The following RAG1 variants were observed in gnomAD, a reference collection of about 807,000 sequenced individuals.
RAG1 encodes the protein recombination activating 1, also known as V(D)J recombination-activating protein 1.
In RAG1, 35 loss-of-function variants were observed where a neutral mutation model predicts 62.7. That is an observed-to-expected ratio of 0.56 (90% confidence interval 0.43 to 0.74). RAG1 has a LOEUF of 0.74. Among genes scored for constraint, RAG1 ranks in the 30% least tolerant of loss-of-function variants. The pLI is 0.00. For synonymous variants in RAG1, 461 were observed against 470.3 expected (o/e 0.98, Z 0.26); for missense variants, 1,169 against 1,278.6 (o/e 0.91, Z 1.31).
chr11:36,522,652 T>C (rs541096902), intron 2 of RAG1, among the ~76,000 whole-genome samples: 151 of 152,264 alleles, frequency 9.9e-4, no homozygotes, highest in African/African-American at 3.0e-3. Flanking sequence ...GACCCCAGAA[T>C]GGTAGATCTA....
chr11:36,531,723 G>GT (rs1860259575), intron 2 of RAG1, among the ~76,000 whole-genome samples: 1 of 150,640 alleles, frequency 6.6e-6, no homozygotes, highest in South Asian at 2.1e-4. Flanking sequence ...GTTACCATGT[G>GT]TTTTTTTCTG....
intron 1 of RAG1, among the ~76,000 whole-genome samples, chr11:36,572,147 A>C (rs866698352): frequency 2.0e-5 from 3 of 151,948 alleles, no homozygotes; most frequent in Non-Finnish European, 4.4e-5. Flanking sequence ...AGGGAAAAAC[A>C]TATGTTACTT....
chr11:36,566,839 A>G (rs1235104899), upstream of RAG1, among the ~76,000 whole-genome samples: 4 of 152,186 alleles, frequency 2.6e-5, no homozygotes, highest in Non-Finnish European at 2.9e-5. Context: ...TGTGTGGTTA[A>G]GTAGGTCCAA....
At chr11:36,534,995 C>A (rs1860305216) in intron 2 of RAG1, among the ~76,000 whole-genome samples, 1 of 152,140 alleles carries the variant, frequency 6.6e-6, no homozygotes. Context: ...TTTAGATCAT[C>A]ACAATTTTCT....
At position 36,573,735 on chromosome 11, in the gene RAG1, A is replaced by G. The variant is rs1564988239; in HGVS notation, c.431A>G (p.Lys144Arg). 1 of 1,614,072 alleles carries G rather than the reference A, an allele frequency of 6.2e-7. No individual in the cohort carries two copies. Among genetic ancestry groups the G allele is most frequent in the South Asian group, 1.1e-5 (1 of 91,084 alleles). The change falls in exon 2 of 2, where the codon AAG (lysine) becomes AGG (arginine). Residue 144 changes from lysine (K) to arginine (R), a missense_variant. Around this residue, in one of 2 missense-constraint regions of RAG1, gnomAD observed 369 missense variants for 335.3 expected, o/e 1.10. Coordinates refer to ENST00000299440, the MANE Select transcript of RAG1 (RefSeq NM_000448.3). ...DGKTLGLLRKKEKRATSWPDL... is the reference protein window; with the variant it reads ...DGKTLGLLRKREKRATSWPDL... ...AAAACCCTAGGCCTTTTACGAAAGA[A>G]GGAAAAGAGAGCTACTTCCTGGCCG...
At chr11:36,564,201 T>C (rs558668560), upstream of RAG1, among the ~76,000 whole-genome samples, 1 of 152,320 alleles carries the variant, frequency 6.6e-6, no homozygotes, top group Non-Finnish European at 1.5e-5. Context: ...TATTACACAT[T>C]TTCTGGGACT....
chr11:36,527,162 C>T (rs933925494), intron 2 of RAG1, among the ~76,000 whole-genome samples: 4 of 152,132 alleles, frequency 2.6e-5, no homozygotes, highest in African/African-American at 9.7e-5. Flanking sequence ...TTTGCCCATG[C>T]CTATGTCCTG....
intron 2 of RAG1, among the ~76,000 whole-genome samples, chr11:36,522,860 C>G (rs1387776650): frequency 2.0e-5 from 3 of 152,208 alleles, no homozygotes; most frequent in Admixed American, 2.0e-4. Flanking sequence ...TAAGATTTAA[C>G]TGCCCTGCTG....
chr11:36,574,818 C>T lies in RAG1; in HGVS notation c.1514C>T (p.Ala505Val). The T allele has an allele frequency of 6.2e-7, 1 of 1,614,196 alleles. No individual in the cohort carries two copies. Among genetic ancestry groups the T allele is most frequent in the Non-Finnish European group, 8.5e-7 (1 of 1,180,036 alleles). Residue 505 changes from alanine (A) to valine (V), a missense_variant, in exon 2 of 2, where the codon GCC (alanine) becomes GTC (valine). By Grantham distance (64) the Ala-to-Val change is moderately conservative. Coordinates refer to ENST00000299440, the MANE Select transcript of RAG1 (RefSeq NM_000448.3). Reference protein sequence around the residue: ...TGRQIFQPLHALRNAEKVLLP... With the variant: ...TGRQIFQPLHVLRNAEKVLLP... Reference sequence around the variant, plus strand: ...AGACAGATTTTTCAGCCTTTGCATGCCCTTCGGAATGCTGAGAAGGTACTT... The same window carrying T: ...AGACAGATTTTTCAGCCTTTGCATGTCCTTCGGAATGCTGAGAAGGTACTT...
chr11:36,548,472 G>A (rs1398005983), intron 3 of RAG1, among the ~76,000 whole-genome samples: 1 of 151,870 alleles, frequency 6.6e-6, no homozygotes, highest in Non-Finnish European at 1.5e-5. Flanking sequence ...TTCCTATACA[G>A]CAATAATAGA....
intron 1 of RAG1, among the ~76,000 whole-genome samples, chr11:36,512,934 C>T (rs1296828698): frequency 6.6e-6 from 1 of 152,194 alleles, no homozygotes; most frequent in Non-Finnish European, 1.5e-5. Context: ...CCCTAAATTT[C>T]ATGCGTTGGA....
rs761612265 is a variant in RAG1 at position 36,573,845 on chromosome 11, A to G, written c.541A>G (p.Ser181Gly). The stretch of plus-strand genomic sequence containing the variant: ...CACTGAGTTCTGCCATAACTGCTGG[A>G]GCATCATGCACAGGAAGTTTAGCAG... ...HPTEFCHNCW[S>G]IMHRKFSSAP... is the part of the protein sequence containing the mutation. Residue 181 changes from serine to glycine, a missense_variant, in exon 2 of 2, where the codon AGC becomes GGC. By Grantham distance (56) the Ser-to-Gly change is moderately conservative. Transcript: ENST00000299440. 2 of 1,614,110 alleles carry G rather than the reference A, an allele frequency of 1.2e-6. No homozygotes were observed. Among genetic ancestry groups the G allele is most frequent in the Non-Finnish European group, 8.5e-7 (1 of 1,180,018 alleles).
intron 3 of RAG1, among the ~76,000 whole-genome samples, chr11:36,545,523 G>C (rs1850379825): frequency 1.3e-5 from 2 of 152,132 alleles, no homozygotes; most frequent in South Asian, 4.1e-4. Flanking sequence ...CTCCAGAACT[G>C]TGAGAAAATA....
chr11:36,538,483 C>T (rs1183309557), downstream of RAG1, among the ~76,000 whole-genome samples: 1 of 152,152 alleles, frequency 6.6e-6, no homozygotes, highest in African/African-American at 2.4e-5. Context: ...AGAATAAGAG[C>T]AAATGGGGTA....
chr11:36,524,477 G>T (rs1000867079), intron 2 of RAG1, among the ~76,000 whole-genome samples: 3 of 150,342 alleles, frequency 2.0e-5, no homozygotes, highest in Non-Finnish European at 2.9e-5. Flanking sequence ...ATATCTCAAT[G>T]TGGTGTGTGC....
chr11:36,549,068 A>G (rs1850443697), intron 3 of RAG1, among the ~76,000 whole-genome samples: 1 of 152,268 alleles, frequency 6.6e-6, no homozygotes, highest in African/African-American at 2.4e-5. Flanking sequence ...CTGGCTAGCC[A>G]TATGCAGAAA....
At chr11:36,571,481 T>C (rs2133290608) in intron 1 of RAG1, among the ~76,000 whole-genome samples, 1 of 152,318 alleles carries the variant, frequency 6.6e-6, no homozygotes, top group South Asian at 2.1e-4. Context: ...GTTGAAATAT[T>C]TTTTGAGGTT....
chr11:36,559,783 G>T (rs779075231), intron 3 of RAG1, among the ~76,000 whole-genome samples: 1 of 151,962 alleles, frequency 6.6e-6, no homozygotes, highest in Admixed American at 6.6e-5. Context: ...TTCTGATTTT[G>T]TTAAATTGTC....
intron 1 of RAG1, among the ~76,000 whole-genome samples, chr11:36,511,722 A>T (rs1295188631): frequency 2.0e-5 from 3 of 152,216 alleles, no homozygotes; most frequent in African/African-American, 7.2e-5. Context: ...GCCTTTGTGT[A>T]TCCCTCCCTA....
Sources: gnomAD v4.1 joint callset for allele counts (sites outside exome capture counted in the v4.1 genomes callset) on GRCh38, gnomAD v4.1.1 for gene constraint, gnomAD v4.1.1 regional missense constraint, MANE v1.5 for transcripts, NCBI Gene and HGNC (gene_info 2026-07-23, HGNC 2026-07-21) for gene names.